TEX11: variants seen among roughly 807,000 people sequenced by gnomAD.
The protein encoded by TEX11 is testis-expressed protein 11.
Under a neutral mutation model 84.4 loss-of-function variants are expected in TEX11, and 7 were observed. The observed-to-expected ratio is 0.08, with a 90% confidence interval of 0.05 to 0.16. The LOEUF (loss-of-function observed/expected upper bound fraction) is 0.16. Ranked by LOEUF, TEX11 falls within the 10% of genes least tolerant of loss-of-function variation. The probability of loss-of-function intolerance (pLI) is 1.00; values close to 1 mark genes in which losing one functional copy is unlikely to be tolerated. For missense variants in TEX11, 551 were observed against 660.5 expected (o/e 0.83, Z 1.82); for synonymous variants, 264 against 222.8 (o/e 1.18, Z -1.64).
chrX:70,518,421 A>C, the TEX11 span, among the ~76,000 whole-genome samples: 2 of 112,005 alleles, frequency 1.8e-5, no homozygotes, highest in Admixed American at 9.5e-5. Context: ...GTTTCCATGT[A>C]GTTGTGTAGT....
rs1278487676 is a variant in TEX11, at chrX:70,622,446, C to A, written c.1751+1504G>T. Among the ~76,000 whole-genome samples the A allele has an allele frequency of 3.6e-5, 4 of 111,989 alleles. No homozygotes were observed. The East Asian group carries it at 1.1e-3, about 31-fold the overall frequency. On this transcript the variant is annotated intron_variant, in intron 20 of 29. Coordinates refer to ENST00000374333, the MANE Select transcript of TEX11 (RefSeq NM_031276.3). Reference sequence around the variant, plus strand: ...ATTGGTTTTAATGTGTGTGGTTTGACTGTATGCCACAATTATGAGAAATAT... The same window carrying A: ...ATTGGTTTTAATGTGTGTGGTTTGAATGTATGCCACAATTATGAGAAATAT...
intron 17 of TEX11, among the ~76,000 whole-genome samples, chrX:70,641,937 A>G (rs1168274559): frequency 9.0e-6 from 1 of 111,673 alleles, no homozygotes; most frequent in African/African-American, 3.3e-5. Context: ...ACTGAAGGAA[A>G]TAGAGACACA....
At chrX:70,679,616 C>T (rs1312493794) in intron 14 of TEX11, among the ~76,000 whole-genome samples, 1 of 105,831 alleles carries the variant, frequency 9.4e-6, no homozygotes, top group African/African-American at 3.5e-5. Context: ...GTGAGGAGCC[C>T]CTCCGCCCGG....
Position 70,806,734 on chromosome X carries a change from A to C in TEX11, c.663T>G (p.Asn221Lys). 1 of 1,189,683 alleles carries C rather than the reference A, an allele frequency of 8.4e-7. No homozygotes were observed. Among genetic ancestry groups the C allele is most frequent in the South Asian group, 1.8e-5 (1 of 54,607 alleles). ...GCCAGAAAGAACTTTCTTCATATTT[A>C]TTATTCTTCTGGGTTTCTACTCCAA... ...YNFGVETQKNNKYEESSFWLS... is the reference protein window; with the variant it reads ...YNFGVETQKNKKYEESSFWLS... The change falls in exon 9 of 30, where the codon AAT becomes AAG. Residue 221 changes from asparagine (N) to lysine (K), a missense_variant. Transcript: ENST00000374333.
chrX:70,858,549 G>T (rs1362932345), intron 5 of TEX11, among the ~76,000 whole-genome samples: 1 of 109,979 alleles, frequency 9.1e-6, no homozygotes, highest in South Asian at 3.9e-4. Flanking sequence ...ATGTGTAGGG[G>T]TACATTTACA....
chrX:70,705,640 G>C (rs1603228956), intron 13 of TEX11, among the ~76,000 whole-genome samples: 1 of 111,824 alleles, frequency 8.9e-6, no homozygotes, highest in African/African-American at 3.2e-5. Flanking sequence ...CCATCAAAAA[G>C]TGGGCAAAGG....
At chrX:70,586,707 A>G (rs1042535724) in intron 25 of TEX11, among the ~76,000 whole-genome samples, 1 of 112,110 alleles carries the variant, frequency 8.9e-6, no homozygotes, top group Non-Finnish European at 1.9e-5. Context: ...ATTAAGATAC[A>G]TTTCCTGGTG....
chrX:70,750,921 TAAAA>T (rs1181422597), intron 9 of TEX11, among the ~76,000 whole-genome samples: 63 of 35,351 alleles, frequency 1.8e-3, no homozygotes, highest in African/African-American at 5.8e-3. Flanking sequence ...TAAAGTATAA[TAAAA>T]AAAAAAAAAT....
intron 13 of TEX11, among the ~76,000 whole-genome samples, chrX:70,714,857 C>T (rs5936586): frequency 0.53 from 58,633 of 110,181 alleles, 12,648 homozygotes; most frequent in Middle Eastern, 0.73. Context: ...GGTTATTTTG[C>T]TCGTTAGTTG....
At chrX:70,614,566 C>G (rs561598388) in intron 20 of TEX11, among the ~76,000 whole-genome samples, 1 of 111,963 alleles carries the variant, frequency 8.9e-6, no homozygotes, top group South Asian at 3.8e-4. Context: ...TCTGGACTCA[C>G]CTGGGGCCTG....
chrX:70,810,170 T>C (rs1483526271), intron 8 of TEX11, among the ~76,000 whole-genome samples: 1 of 111,454 alleles, frequency 9.0e-6, no homozygotes, highest in Non-Finnish European at 1.9e-5. Context: ...TGTGGAGAAA[T>C]AGGAACGCTT....
rs193130122 is a variant in TEX11 at position 70,746,982 on chromosome X, G to A, written c.693-2763C>T. On this transcript the variant is annotated intron_variant, in intron 9 of 29. Transcript: ENST00000374333. ...AGTACCTTGAGCCTCATTGGCTCAA[G>A]GGGCTTAAGCAGATCGTCTGACCAA... 2.0e-3 allele frequency among the ~76,000 whole-genome samples: 220 copies of A among 112,141 alleles called. 2 individuals carry two copies. The highest frequency in any genetic ancestry group is 6.8e-3 in the African/African-American group (211 of 30,934).
intron 28 of TEX11, among the ~76,000 whole-genome samples, chrX:70,541,435 C>T (rs190027523): frequency 8.1e-5 from 9 of 111,058 alleles, no homozygotes; most frequent in African/African-American, 2.9e-4. Context: ...TGTGATAATG[C>T]CAACATCTTG....
chrX:70,802,363 T>C (rs1410797350), intron 9 of TEX11, among the ~76,000 whole-genome samples: 2 of 108,206 alleles, frequency 1.8e-5, no homozygotes, highest in African/African-American at 6.7e-5. Flanking sequence ...ACTAATAAAA[T>C]TCTGTTATAA....
chrX:70,516,412 T>C, the TEX11 span, among the ~76,000 whole-genome samples: 2 of 112,023 alleles, frequency 1.8e-5, no homozygotes, highest in African/African-American at 6.5e-5. Context: ...GTCAGGTTTG[T>C]GAAAGATCAG....
chrX:70,559,312 A>AG (rs2088331207), intron 25 of TEX11, among the ~76,000 whole-genome samples: 1 of 112,551 alleles, frequency 8.9e-6, no homozygotes, highest in South Asian at 3.7e-4. Context: ...AGGCAGTCAC[A>AG]AAAGTCCATG....
chrX:70,868,124 C>A (rs1309401788), intron 4 of TEX11, among the ~76,000 whole-genome samples: 1 of 111,423 alleles, frequency 9.0e-6, no homozygotes, highest in East Asian at 2.8e-4. Context: ...TGCCATCTAT[C>A]CGTCTGACAA....
chrX:70,854,319 A>C (rs1370750716), intron 5 of TEX11, among the ~76,000 whole-genome samples: 1 of 111,686 alleles, frequency 9.0e-6, no homozygotes, highest in East Asian at 2.8e-4. Flanking sequence ...AGGTGACAGA[A>C]GGTGGAAGGT....
chrX:70,519,764 G>C, the TEX11 span, among the ~76,000 whole-genome samples: 6 of 111,832 alleles, frequency 5.4e-5, no homozygotes, highest in Non-Finnish European at 7.5e-5. Context: ...ATCAAACGTA[G>C]ATTTGGTTTT....
Sources: gnomAD v4.1 joint callset for allele counts (sites outside exome capture counted in the v4.1 genomes callset) on GRCh38, gnomAD v4.1.1 for gene constraint, MANE v1.5 for transcripts, NCBI Gene and HGNC (gene_info 2026-07-23, HGNC 2026-07-21) for gene names.